Variants in CACNA1E observed in about 807,000 individuals in gnomAD.
CACNA1E encodes voltage-dependent R-type calcium channel subunit alpha-1E.
CACNA1E carries 40 observed loss-of-function variants against 259.2 expected under a neutral mutation model. The observed-to-expected ratio is 0.15, with a 90% CI of 0.12 to 0.20. The LOEUF is 0.20. CACNA1E is among the 10% of genes least tolerant of loss of function. CACNA1E has a pLI of 1.00. For missense variants in CACNA1E, 1,874 were observed against 3,040.1 expected (o/e 0.62, Z 9.02); for synonymous variants, 1,104 against 1,138.5 (o/e 0.97, Z 0.61).
Position 181,408,133 on chromosome 1 carries a change from A to C in CACNA1E, c.-14-5000A>C, listed in dbSNP as rs541945379. Among the ~76,000 whole-genome samples, 5 of 152,290 alleles carry C rather than the reference A, an allele frequency of 3.3e-5. 1 individual carries two copies. The South Asian group carries it at 1.0e-3, about 32-fold the overall frequency. On this transcript the variant is annotated intron_variant, in intron 1 of 11. Coordinates refer to the CACNA1E transcript ENST00000524607. ...TGGAGATTTCTTTGCTGAACTCAGA[A>C]CTTTCAGGGAATAAAGATAGTAGAC... is the stretch of plus-strand genomic sequence containing the variant.
At chr1:181,638,891 A>G (rs1349061380) in intron 6 of CACNA1E, among the ~76,000 whole-genome samples, 1 of 152,200 alleles carries the variant, frequency 6.6e-6, no homozygotes, top group Non-Finnish European at 1.5e-5. Context: ...AGGCTTCCCC[A>G]GCCATGCTGA....
chr1:181,538,186 T>C (rs1668315996), intron 3 of CACNA1E, among the ~76,000 whole-genome samples: 1 of 152,248 alleles, frequency 6.6e-6, no homozygotes, highest in Admixed American at 6.5e-5. Flanking sequence ...TTATTGGTGC[T>C]TGAAACCATT....
Position 181,532,421 on chromosome 1 carries a change from G to A in CACNA1E, c.512+20911G>A, listed in dbSNP as rs969393933. Among the ~76,000 whole-genome samples, 6 of 152,262 alleles carry A rather than the reference G, an allele frequency of 3.9e-5. No individual in the cohort carries two copies. The South Asian group carries it at 8.3e-4, about 21-fold the overall frequency. On this transcript the variant is annotated intron_variant, in intron 3 of 47. Transcript: ENST00000367573. ...ATATGCTGGGGCAGCATGATGTGGT[G>A]TATGGGTGTGTGGCAGCAGCACCTC...
At chr1:181,381,003 TAAAAATAC>T (rs1415787030) in intron 1 of CACNA1E, among the ~76,000 whole-genome samples, 10 of 151,964 alleles carry the variant, frequency 6.6e-5, no homozygotes, top group Admixed American at 5.9e-4. Flanking sequence ...CCATCTCTAC[TAAAAATAC>T]AAAAATTAGC....
intron 7 of CACNA1E, among the ~76,000 whole-genome samples, chr1:181,682,559 G>A (rs532530789): frequency 6.6e-6 from 1 of 152,044 alleles, no homozygotes; most frequent in Non-Finnish European, 1.5e-5. Context: ...TTCTCACATT[G>A]CTATAAAAAA....
chr1:181,561,664 C>T (rs1281237326), intron 3 of CACNA1E, among the ~76,000 whole-genome samples: 1 of 152,140 alleles, frequency 6.6e-6, no homozygotes, highest in African/African-American at 2.4e-5. Flanking sequence ...TATGGATGAT[C>T]ACAATTTGTT....
At chr1:181,446,712 G>A (rs757617025) in intron 2 of CACNA1E, among the ~76,000 whole-genome samples, 1 of 152,066 alleles carries the variant, frequency 6.6e-6, no homozygotes, top group Non-Finnish European at 1.5e-5. Context: ...GGACACTCTC[G>A]TATCTTGTTG....
chr1:181,572,590 G>A (rs761727729), intron 3 of CACNA1E, among the ~76,000 whole-genome samples: 3 of 152,226 alleles, frequency 2.0e-5, no homozygotes, highest in Admixed American at 6.5e-5. Context: ...GCTTTCCACC[G>A]GGCTGTGTGC....
chr1:181,680,061 G>A (rs1649782789), intron 7 of CACNA1E, among the ~76,000 whole-genome samples: 1 of 145,362 alleles, frequency 6.9e-6, no homozygotes, highest in Non-Finnish European at 1.5e-5. Flanking sequence ...TGCAGTGGTT[G>A]CATCACTGAA....
intron 7 of CACNA1E, among the ~76,000 whole-genome samples, chr1:181,679,176 C>T (rs920747574): frequency 6.6e-5 from 10 of 152,058 alleles, no homozygotes; most frequent in East Asian, 3.8e-4. Context: ...AAAGAATAGC[C>T]GGAAAGTTAA....
At chr1:181,787,076 T>C (rs575123164) in intron 43 of CACNA1E, among the ~76,000 whole-genome samples, 9 of 152,168 alleles carry the variant, frequency 5.9e-5, no homozygotes, top group African/African-American at 1.7e-4. Context: ...AGAAGTATGA[T>C]TGGAAGAGTG....
chr1:181,686,276 T>G (rs1045440748), intron 7 of CACNA1E, among the ~76,000 whole-genome samples: 2 of 12,236 alleles, frequency 1.6e-4, no homozygotes, highest in African/African-American at 4.7e-4. Context: ...AAGAACCAAG[T>G]TTTTTTTTTT....
At chr1:181,427,239 C>A (rs1659348341) in intron 2 of CACNA1E, among the ~76,000 whole-genome samples, 1 of 151,342 alleles carries the variant, frequency 6.6e-6, no homozygotes, top group Admixed American at 6.6e-5. Context: ...TCTCACCACA[C>A]CCATCTCAAC....
chr1:181,597,674 A>G (rs1367496786), intron 6 of CACNA1E, among the ~76,000 whole-genome samples: 1 of 152,202 alleles, frequency 6.6e-6, no homozygotes, highest in East Asian at 1.9e-4. Context: ...GACATACCTG[A>G]GACTGGGCAA....
intron 1 of CACNA1E, among the ~76,000 whole-genome samples, chr1:181,389,861 A>T (rs561678618): frequency 6.6e-6 from 1 of 152,378 alleles, no homozygotes; most frequent in South Asian, 2.1e-4. Flanking sequence ...AGATGTGCAT[A>T]GGTCCTAAGA....
intron 3 of CACNA1E, among the ~76,000 whole-genome samples, chr1:181,534,154 C>T (rs1667978813): frequency 6.6e-6 from 1 of 151,906 alleles, no homozygotes; most frequent in South Asian, 2.1e-4. Context: ...ACAATGAAGA[C>T]AGATGTTCCT....
rs576989427 is a variant in CACNA1E at position 181,661,998 on chromosome 1, T to G, written c.1055+10557T>G. Among the ~76,000 whole-genome samples the G allele has an allele frequency of 1.3e-3, 205 of 152,308 alleles. 1 individual carries two copies. Among genetic ancestry groups the G allele is most frequent in the Non-Finnish European group, 1.7e-3 (116 of 68,024 alleles). The stretch of plus-strand genomic sequence containing the variant: ...ATGAACAGGTCCTCCATGACGGCCA[T>G]GGCACATGTAACTTCCCAGTCCTGT... On this transcript the variant is annotated intron_variant, in intron 7 of 47. Transcript: ENST00000367573.
intron 6 of CACNA1E, among the ~76,000 whole-genome samples, chr1:181,623,565 T>C (rs1655920243): frequency 6.6e-6 from 1 of 152,198 alleles, no homozygotes; most frequent in Non-Finnish European, 1.5e-5. Context: ...AAACAATATA[T>C]GGGCATACCT....
chr1:181,676,126 T>G (rs1476082789), intron 7 of CACNA1E, among the ~76,000 whole-genome samples: 1 of 152,122 alleles, frequency 6.6e-6, no homozygotes, highest in Non-Finnish European at 1.5e-5. Context: ...CAGCAAAGTG[T>G]CCCAGAGCTG....
Sources: allele counts gnomAD v4.1 joint callset (sites outside exome capture counted in the v4.1 genomes callset), GRCh38; gene constraint gnomAD v4.1.1; transcripts MANE v1.5; gene names NCBI Gene and HGNC (gene_info 2026-07-23, HGNC 2026-07-21).